DNAH14: variants seen among roughly 807,000 people sequenced by gnomAD.
DNAH14 encodes the protein dynein axonemal heavy chain 14.
Under a neutral mutation model 520.9 loss-of-function variants are expected in DNAH14, and 478 were observed. The ratio of observed to expected loss-of-function variants is 0.92; its 90% confidence interval spans 0.85 to 0.99. The LOEUF (loss-of-function observed/expected upper bound fraction) is 0.99. Ranked by LOEUF, DNAH14 falls within the 50% of genes least tolerant of loss-of-function variation. The pLI is 0.00. For synonymous variants in DNAH14, 1,581 were observed against 1,757.2 expected, an observed-to-expected ratio of 0.90 and a Z score of 2.51; for missense variants, 4,831 against 5,234.5, an observed-to-expected ratio of 0.92 and a Z score of 2.38.
At chr1:225,182,413 GA>G (rs1327389654) in intron 36 of DNAH14, among the ~76,000 whole-genome samples, 2 of 152,118 alleles carry the variant, frequency 1.3e-5, no homozygotes, top group Middle Eastern at 3.2e-3. Flanking sequence ...GGATGAGGTA[GA>G]GCAAGATGGT....
intron 17 of DNAH14, among the ~76,000 whole-genome samples, chr1:225,052,711 C>T (rs1473850657): frequency 1.3e-5 from 2 of 152,098 alleles, no homozygotes; most frequent in African/African-American, 4.8e-5. Flanking sequence ...GTTGCATAGC[C>T]AATGGGGGAT....
intron 72 of DNAH14, among the ~76,000 whole-genome samples, chr1:225,352,603 A>AT (rs1425716796): frequency 6.6e-6 from 1 of 151,996 alleles, no homozygotes; most frequent in Non-Finnish European, 1.5e-5. Flanking sequence ...ATGAATGCCC[A>AT]TTTTCCATAG....
intron 17 of DNAH14, among the ~76,000 whole-genome samples, chr1:225,073,633 T>A (rs901884721): frequency 2.0e-5 from 3 of 151,798 alleles, no homozygotes; most frequent in Admixed American, 2.0e-4. Context: ...TCTTAGGAAG[T>A]TTGTTGTTGT....
intron 76 of DNAH14, among the ~76,000 whole-genome samples, chr1:225,365,778 G>T (rs188370760): frequency 2.0e-5 from 3 of 152,056 alleles, no homozygotes; most frequent in Admixed American, 2.0e-4. Flanking sequence ...GGGGAATTGG[G>T]GGGTGGAGGT....
At chr1:225,191,539 G>A (rs4653413) in intron 37 of DNAH14, among the ~76,000 whole-genome samples, 19,367 of 151,488 alleles carry the variant, frequency 0.13, 1,377 homozygotes, top group East Asian at 0.31. Flanking sequence ...GGATCTCTTT[G>A]TGTTTATTTT....
At chr1:225,085,476 T>A in intron 20 of DNAH14, 68 bp from the exon 21 acceptor site, 1 of 1,369,610 alleles carries the variant, frequency 7.3e-7, no homozygotes, top group South Asian at 1.5e-5. Context: ...GCATTTAAAA[T>A]TTCCATTTTG....
intron 41 of DNAH14, among the ~76,000 whole-genome samples, chr1:225,230,021 T>C (rs1472819583): frequency 6.6e-6 from 1 of 152,062 alleles, no homozygotes; most frequent in Non-Finnish European, 1.5e-5. Context: ...GATAAAAAAT[T>C]GATTGAACTT....
chr1:225,305,314 T>G (rs980522936), intron 58 of DNAH14, among the ~76,000 whole-genome samples: 2 of 152,096 alleles, frequency 1.3e-5, no homozygotes, highest in African/African-American at 4.8e-5. Flanking sequence ...AAATAAACAA[T>G]TAGTCCCTGT....
rs998891247 is a variant in DNAH14 at position 225,301,711 on chromosome 1, G to A, written c.8631+681G>A. On this transcript the variant is annotated intron_variant, in intron 56 of 85. Coordinates refer to ENST00000682510, the MANE Select transcript of DNAH14 (RefSeq NM_001367479.1). ...GGTACTAGTTTTTGTCTATCATAGG[G>A]CAATTTAAAAATTGAATCTGGCCAT... Among the ~76,000 whole-genome samples the A allele has an allele frequency of 7.2e-5, 11 of 152,022 alleles. No homozygotes were observed. In the East Asian group the frequency reaches 9.6e-4, roughly 13 times the overall value.
At chr1:225,205,943 G>A in intron 39 of DNAH14, 28 bp from the exon 40 acceptor site, 1 of 1,518,080 alleles carries the variant, frequency 6.6e-7, no homozygotes, top group Non-Finnish European at 8.9e-7. Context: ...ATTAGTCTCA[G>A]TTACATTAAA....
intron 28 of DNAH14, 36 bp downstream of exon 28, chr1:225,141,057 T>G: frequency 6.8e-7 from 1 of 1,469,666 alleles, no homozygotes. Context: ...ATACAATAAC[T>G]TCTCCCAAAT....
chr1:225,213,685 T>C (rs6664567), intron 41 of DNAH14, among the ~76,000 whole-genome samples: 47,821 of 151,900 alleles, frequency 0.31, 8,707 homozygotes, highest in East Asian at 0.61. Flanking sequence ...AATGAGAGTT[T>C]ACTCATGATT....
At chr1:224,983,707 A>G (rs1252264532) in intron 8 of DNAH14, among the ~76,000 whole-genome samples, 4 of 152,168 alleles carry the variant, frequency 2.6e-5, no homozygotes, top group Non-Finnish European at 5.9e-5. Context: ...AAGTTTCCAG[A>G]TACAATATTA....
chr1:225,100,145 A>G (rs183373821), intron 22 of DNAH14, among the ~76,000 whole-genome samples: 22 of 152,260 alleles, frequency 1.4e-4, no homozygotes, highest in Admixed American at 7.9e-4. Flanking sequence ...AAATAATGAT[A>G]ATCTTCTGTA....
intron 64 of DNAH14, among the ~76,000 whole-genome samples, chr1:225,328,631 A>G (rs867719396): frequency 1.0e-5 from 1 of 97,248 alleles, no homozygotes; most frequent in East Asian, 3.9e-4. Flanking sequence ...TGGAAAATCT[A>G]AGGAACTTTG....
intron 41 of DNAH14, among the ~76,000 whole-genome samples, chr1:225,222,068 A>G (rs1336069158): frequency 6.6e-6 from 1 of 152,138 alleles, no homozygotes; most frequent in African/African-American, 2.4e-5. Context: ...CTGTCAGGCA[A>G]CCTGTGTCAG....
intron 31 of DNAH14, among the ~76,000 whole-genome samples, chr1:225,151,044 T>A (rs2080457168): frequency 6.6e-6 from 1 of 152,182 alleles, no homozygotes. Context: ...ACTGGCCACA[T>A]ACCTGAAGAG....
chr1:225,068,140 G>A (rs1274169205), intron 17 of DNAH14, among the ~76,000 whole-genome samples: 1 of 152,096 alleles, frequency 6.6e-6, no homozygotes, highest in African/African-American at 2.4e-5. Context: ...TATAAGGAAG[G>A]GGTTCAATTT....
intron 17 of DNAH14, among the ~76,000 whole-genome samples, chr1:225,078,181 C>T (rs556540314): frequency 4.6e-5 from 7 of 152,044 alleles, no homozygotes; most frequent in African/African-American, 9.7e-5. Flanking sequence ...AATAATGGGA[C>T]GTGGAATCAA....
Sources: allele counts gnomAD v4.1 joint callset (sites outside exome capture counted in the v4.1 genomes callset), GRCh38; gene constraint gnomAD v4.1.1; transcripts MANE v1.5; gene names NCBI Gene and HGNC (gene_info 2026-07-23, HGNC 2026-07-21).